The following SLC49A4 variants were observed in gnomAD, a reference collection of about 807,000 sequenced individuals.
The protein encoded by SLC49A4 is disrupted in renal cancer protein 2.
SLC49A4 carries 36 observed loss-of-function variants against 50.6 expected under a neutral mutation model. That is an observed-to-expected ratio of 0.71 (90% confidence interval 0.55 to 0.94). The LOEUF is 0.94. SLC49A4 is among the 40% of genes least tolerant of loss of function. SLC49A4 has a pLI of 0.00. For missense variants in SLC49A4, 503 were observed against 605.7 expected (o/e 0.83, Z 1.78); for synonymous variants, 248 against 241.2 (o/e 1.03, Z -0.26).
chr3:122,795,291 G>GGCGGCGGCGCTGCCC lies in SLC49A4; in HGVS notation c.107_121dup (p.Ala36_Ala40dup). ...CCTCCTGGAGAAGCCGGGAGGCGGCGGCGGCGGCGCTGCCCGCGGCGGTCC... is the reference window on the plus strand; with the variant it reads ...CCTCCTGGAGAAGCCGGGAGGCGGCGGCGGCGGCGCTGCCCGCGGCGGCGCTGCCCGCGGCGGTCC... On this transcript the variant is annotated inframe_insertion, in exon 1 of 9. Transcript: ENST00000261038. 7.0e-7 allele frequency: 1 copy of GGCGGCGGCGCTGCCC among 1,426,026 alleles called. No individual in the cohort carries two copies. The highest frequency in any genetic ancestry group is 9.1e-7 in the Non-Finnish European group (1 of 1,103,036). The allele number at this position is 1,426,026 out of a possible 1,614,324, so 88.3% of individuals were successfully genotyped here.
chr3:122,844,558 G>A (rs914419787), intron 4 of SLC49A4, among the ~76,000 whole-genome samples: 2 of 152,168 alleles, frequency 1.3e-5, no homozygotes, highest in African/African-American at 4.8e-5. Flanking sequence ...AAGGTGGGTG[G>A]ATCATCTGAG....
intron 2 of SLC49A4, among the ~76,000 whole-genome samples, chr3:122,812,021 T>C (rs534976252): frequency 3.7e-4 from 56 of 152,288 alleles, no homozygotes; most frequent in Non-Finnish European, 6.6e-4. Context: ...GGTGGTGTGA[T>C]CATAGCTAAT....
chr3:122,856,897 C>T (rs1374266845), intron 6 of SLC49A4, among the ~76,000 whole-genome samples: 1 of 151,596 alleles, frequency 6.6e-6, no homozygotes, highest in African/African-American at 2.4e-5. Context: ...ATCCCTTCCT[C>T]AAGTGTTTTT....
intron 7 of SLC49A4, among the ~76,000 whole-genome samples, chr3:122,862,476 A>C (rs957495673): frequency 6.6e-6 from 1 of 152,206 alleles, no homozygotes; most frequent in East Asian, 1.9e-4. Context: ...GGCATCCTAC[A>C]TTGGAGTTTT....
At chr3:122,842,209 G>T (rs1936780136) in intron 4 of SLC49A4, among the ~76,000 whole-genome samples, 1 of 152,032 alleles carries the variant, frequency 6.6e-6, no homozygotes, top group African/African-American at 2.4e-5. Context: ...ATGTTAGGCC[G>T]GGCGCGGTGG....
chr3:122,852,138 C>T (rs911729765), intron 5 of SLC49A4, among the ~76,000 whole-genome samples: 5 of 151,874 alleles, frequency 3.3e-5, no homozygotes, highest in Non-Finnish European at 7.4e-5. Flanking sequence ...ACTACAGGCG[C>T]GTACAACCAT....
intron 8 of SLC49A4, 65 bp downstream of exon 8, chr3:122,872,662 T>C (rs1937210896): frequency 8.3e-7 from 1 of 1,199,348 alleles, no homozygotes; most frequent in Admixed American, 2.7e-5. Context: ...GTCACTAGTG[T>C]ATAGAAGTTT....
At chr3:122,798,634 C>CTTTTTTTTTTTTTTTT (rs71136594) in intron 1 of SLC49A4, among the ~76,000 whole-genome samples, 1 of 62,826 alleles carries the variant, frequency 1.6e-5, no homozygotes, top group Non-Finnish European at 2.7e-5. Flanking sequence ...ACTAAAATAT[C>CTTTTTTTTTTTTTTTT]TTTTTTTTTT....
intron 7 of SLC49A4, 107 bp downstream of exon 7, chr3:122,860,309 T>A: frequency 8.5e-7 from 1 of 1,172,126 alleles, no homozygotes; most frequent in Non-Finnish European, 1.1e-6. Flanking sequence ...AATTGTTAAA[T>A]ATACAAAAAA....
intron 4 of SLC49A4, among the ~76,000 whole-genome samples, chr3:122,845,084 A>C (rs1395544668): frequency 6.6e-6 from 1 of 152,036 alleles, no homozygotes; most frequent in African/African-American, 2.4e-5. Flanking sequence ...CATAGTATCC[A>C]ATAGGTAGTT....
intron 5 of SLC49A4, among the ~76,000 whole-genome samples, chr3:122,851,644 C>T (rs570648436): frequency 1.5e-4 from 23 of 152,160 alleles, no homozygotes; most frequent in African/African-American, 4.8e-4. Flanking sequence ...TTGAGGTTTA[C>T]ACAACTTATT....
At chr3:122,827,687 A>T (rs757531545) in intron 3 of SLC49A4, among the ~76,000 whole-genome samples, 4 of 152,124 alleles carry the variant, frequency 2.6e-5, no homozygotes, top group Non-Finnish European at 5.9e-5. Context: ...CCTGTTTGTT[A>T]TTTCCTCTGC....
chr3:122,851,005 A>G (rs1177790144), intron 5 of SLC49A4, among the ~76,000 whole-genome samples: 3 of 152,144 alleles, frequency 2.0e-5, no homozygotes, highest in East Asian at 1.9e-4. Flanking sequence ...TTACTGTTTA[A>G]TGATTACCCT....
At chr3:122,834,530 A>G (rs1361579082) in intron 4 of SLC49A4, among the ~76,000 whole-genome samples, 3 of 152,184 alleles carry the variant, frequency 2.0e-5, no homozygotes, top group Non-Finnish European at 2.9e-5. Context: ...TAGTGATGTA[A>G]GTTATTAAAA....
At chr3:122,864,505 A>G (rs909630817) in intron 7 of SLC49A4, among the ~76,000 whole-genome samples, 4 of 152,238 alleles carry the variant, frequency 2.6e-5, no homozygotes, top group Admixed American at 1.3e-4. Flanking sequence ...CTGAAACAGT[A>G]TAATTTGACT....
intron 2 of SLC49A4, among the ~76,000 whole-genome samples, chr3:122,814,116 C>T (rs979126156): frequency 2.0e-5 from 3 of 152,094 alleles, no homozygotes; most frequent in African/African-American, 7.2e-5. Context: ...ACTAAAAATA[C>T]GAAAATTATC....
In SLC49A4 at chr3:122,834,070, C is replaced by G. The variant is rs961907576; in HGVS notation, c.833+624C>G. Among the ~76,000 whole-genome samples, 5 of 152,130 alleles carry G rather than the reference C, an allele frequency of 3.3e-5. No homozygotes were observed. In the South Asian group the frequency reaches 1.0e-3, roughly 32 times the overall value. ...AATTCTTGGGATATATAAAATACCA[C>G]TATTGATTATGATTTGCAGTTGGAC... On this transcript the variant is annotated intron_variant, in intron 4 of 8. Transcript: ENST00000261038.
chr3:122,804,754 G>T (rs1936189841), intron 1 of SLC49A4, among the ~76,000 whole-genome samples: 1 of 152,202 alleles, frequency 6.6e-6, no homozygotes, highest in Admixed American at 6.5e-5. Context: ...CAGTGTGTTA[G>T]GATTATAGGC....
At chr3:122,831,000 A>G (rs1247522834) in intron 3 of SLC49A4, among the ~76,000 whole-genome samples, 1 of 152,146 alleles carries the variant, frequency 6.6e-6, no homozygotes, top group African/African-American at 2.4e-5. Flanking sequence ...AAAATACACA[A>G]ATGTTCATCG....
Sources: gnomAD v4.1 joint callset for allele counts (sites outside exome capture counted in the v4.1 genomes callset) on GRCh38, gnomAD v4.1.1 for gene constraint, MANE v1.5 for transcripts, NCBI Gene and HGNC (gene_info 2026-07-23, HGNC 2026-07-21) for gene names.